SPAG1: variants seen among roughly 807,000 people sequenced by gnomAD.
The protein encoded by SPAG1 is sperm associated antigen 1, also known as sperm-associated antigen 1.
In SPAG1, 69 loss-of-function variants were observed where a neutral mutation model predicts 100.5. That is an observed-to-expected ratio of 0.69 (90% CI 0.57 to 0.84). The LOEUF is 0.84. Among genes scored for constraint, SPAG1 ranks in the 40% least tolerant of loss-of-function variants. The pLI is 0.00. For missense variants in SPAG1, 955 were observed against 1,133.1 expected (o/e 0.84, Z 2.26); for synonymous variants, 336 against 411.6 (o/e 0.82, Z 2.22).
chr8:100,230,594 A>G (rs1818721744), intron 14 of SPAG1, among the ~76,000 whole-genome samples: 1 of 152,156 alleles, frequency 6.6e-6, no homozygotes, highest in Non-Finnish European at 1.5e-5. Flanking sequence ...GCATGTCAAG[A>G]TGGATAACAT....
chr8:100,231,150 C>G lies in SPAG1; in HGVS notation c.1856-6C>G. ...ACTTCCTCTTCTTTGTTTTTTTGTC[C>G]CATAGATGAAAAAACATTTAAAGCC... On this transcript the variant is annotated splice_region_variant and splice_polypyrimidine_tract_variant and intron_variant, in intron 14 of 18. Transcript: ENST00000388798. 6.3e-7 allele frequency: 1 copy of G among 1,588,436 alleles called. No homozygotes were observed. Among genetic ancestry groups the G allele is most frequent in the Non-Finnish European group, 8.6e-7 (1 of 1,168,944 alleles).
intron 10 of SPAG1, among the ~76,000 whole-genome samples, chr8:100,203,634 A>G (rs1186579292): frequency 2.0e-5 from 3 of 152,238 alleles, no homozygotes; most frequent in Non-Finnish European, 4.4e-5. Context: ...AACTCTATAC[A>G]TAGTACCTTT....
chr8:100,180,926 T>C (rs1263576334), intron 4 of SPAG1, among the ~76,000 whole-genome samples: 5 of 152,246 alleles, frequency 3.3e-5, no homozygotes, highest in Non-Finnish European at 4.4e-5. Flanking sequence ...ATGAAATCTG[T>C]GAATATTTGG....
Position 100,241,300 on chromosome 8 carries a change from T to C in SPAG1, c.*278T>C. On this transcript the variant is annotated 3_prime_UTR_variant, in exon 19 of 19. Coordinates refer to ENST00000388798, the MANE Select transcript of SPAG1 (RefSeq NM_003114.5). This position sits in a 1 kb window ranked among gnomAD's most constrained non-coding sequence, Gnocchi z 5.1. ...TGATATACATATTATTTTAATTACTTGTTAAAATTTTGAGTTAAGTTGCAT... is the reference window on the plus strand; with the variant it reads ...TGATATACATATTATTTTAATTACTCGTTAAAATTTTGAGTTAAGTTGCAT... The C allele has an allele frequency of 5.1e-6, 1 of 197,656 alleles. No individual in the cohort carries two copies. The highest frequency in any genetic ancestry group is 1.0e-5 in the Non-Finnish European group (1 of 98,726). The allele number at this position is 197,656 out of a possible 1,614,324, so 12.2% of individuals were successfully genotyped here.
Position 100,239,447 on chromosome 8 carries a change from C to G in SPAG1, c.2280+43C>G. 1 of 1,227,640 alleles carries G rather than the reference C, an allele frequency of 8.1e-7. No individual in the cohort carries two copies. The highest frequency in any genetic ancestry group is 1.2e-6 in the Non-Finnish European group (1 of 840,214). 76.0% of individuals were successfully genotyped at this position (1,227,640 alleles called of 1,614,324 possible). On this transcript the variant is annotated intron_variant, in intron 17 of 18. Coordinates refer to ENST00000388798, the MANE Select transcript of SPAG1 (RefSeq NM_003114.5). The surrounding 1 kb of genome is among the most constrained non-coding windows in gnomAD (Gnocchi z 5.0). Reference sequence around the variant, plus strand: ...TCTTTGAAAGTACTCCTTTGGGGACCTTAGACTGGATTCTAAGGTCATATT... The same window carrying G: ...TCTTTGAAAGTACTCCTTTGGGGACGTTAGACTGGATTCTAAGGTCATATT...
chr8:100,224,101 C>G (rs946915470), intron 13 of SPAG1, among the ~76,000 whole-genome samples: 1 of 152,120 alleles, frequency 6.6e-6, no homozygotes, highest in Non-Finnish European at 1.5e-5. Flanking sequence ...ATTTTTAAAT[C>G]TAATTATGAC....
intron 12 of SPAG1, 68 bp downstream of exon 12, chr8:100,213,986 A>G: frequency 1.1e-6 from 1 of 890,744 alleles, no homozygotes; most frequent in South Asian, 1.7e-5. Flanking sequence ...GCAATATCCA[A>G]GATCCTAAAT....
intron 14 of SPAG1, among the ~76,000 whole-genome samples, chr8:100,229,453 A>C (rs755044558): frequency 6.4e-4 from 97 of 152,124 alleles, no homozygotes; most frequent in African/African-American, 2.2e-3. Context: ...AACAAAAAAA[A>C]ACAAAAGAAT....
At chr8:100,213,532 C>T (rs1214074411) in intron 11 of SPAG1, 104 bp downstream of exon 11, 35 of 914,530 alleles carry the variant, frequency 3.8e-5, no homozygotes, top group Non-Finnish European at 5.1e-5. Context: ...GAATGACAGG[C>T]GCCGGCATCG....
chr8:100,214,988 C>CATATAT (rs71274967), intron 12 of SPAG1, among the ~76,000 whole-genome samples: 1 of 68,856 alleles, frequency 1.5e-5, no homozygotes, highest in Non-Finnish European at 2.8e-5. Context: ...AAACTTTACT[C>CATATAT]ATATATATAT....
chr8:100,217,312 A>T (rs1340680873), intron 12 of SPAG1, among the ~76,000 whole-genome samples: 1 of 152,200 alleles, frequency 6.6e-6, no homozygotes, highest in Non-Finnish European at 1.5e-5. Flanking sequence ...CAAAATTTAA[A>T]ATAAGAGGAG....
intron 13 of SPAG1, among the ~76,000 whole-genome samples, chr8:100,222,912 G>A (rs1818345989): frequency 6.6e-6 from 1 of 152,150 alleles, no homozygotes; most frequent in Non-Finnish European, 1.5e-5. Flanking sequence ...TACCCAGTAA[G>A]CAGCCACTCC....
intron 12 of SPAG1, 117 bp downstream of exon 12, chr8:100,214,035 TATGTTA>T: frequency 1.7e-6 from 1 of 575,528 alleles, no homozygotes; most frequent in Middle Eastern, 4.7e-4. Flanking sequence ...AGCTTTATGG[TATGTTA>T]ATTGATTGAT....
chr8:100,177,516 T>A (rs1816181214), intron 3 of SPAG1, among the ~76,000 whole-genome samples: 1 of 152,224 alleles, frequency 6.6e-6, no homozygotes, highest in African/African-American at 2.4e-5. Context: ...TAACTTTTTA[T>A]AACTTGTGTA....
chr8:100,229,277 G>A (rs983234197), intron 14 of SPAG1, among the ~76,000 whole-genome samples: 8 of 152,090 alleles, frequency 5.3e-5, no homozygotes, highest in Non-Finnish European at 7.4e-5. Context: ...AAAATTAGCC[G>A]GGCGTGGTGG....
chr8:100,163,306 T>TG (rs1245941502), intron 2 of SPAG1, among the ~76,000 whole-genome samples: 1 of 152,232 alleles, frequency 6.6e-6, no homozygotes, highest in East Asian at 1.9e-4. Flanking sequence ...TGGAGCTGGC[T>TG]GATTGATATG....
intron 12 of SPAG1, 33 bp from the exon 13 acceptor site, chr8:100,220,246 A>G: frequency 4.4e-6 from 7 of 1,585,436 alleles, no homozygotes; most frequent in Non-Finnish European, 6.0e-6. Flanking sequence ...ATTTTTCAAA[A>G]CAAATGGTAT....
chr8:100,225,829 G>A (rs187511096), intron 14 of SPAG1, among the ~76,000 whole-genome samples: 20 of 151,608 alleles, frequency 1.3e-4, no homozygotes, highest in Middle Eastern at 3.5e-3. Flanking sequence ...ATGTAAAAGC[G>A]TTTTTTGTTT....
intron 4 of SPAG1, among the ~76,000 whole-genome samples, chr8:100,179,798 G>A (rs1169555007): frequency 6.6e-6 from 1 of 152,188 alleles, no homozygotes; most frequent in Non-Finnish European, 1.5e-5. Flanking sequence ...GTGACAAAGT[G>A]AGAAGTATGC....
Sources: allele counts gnomAD v4.1 joint callset (sites outside exome capture counted in the v4.1 genomes callset), GRCh38; gene constraint gnomAD v4.1.1; non-coding constraint Gnocchi (gnomAD v3.1); transcripts MANE v1.5; gene names NCBI Gene and HGNC (gene_info 2026-07-23, HGNC 2026-07-21).